The following DNMT3A variants were observed in gnomAD, a reference collection of about 807,000 sequenced individuals.
DNMT3A encodes DNA (cytosine-5)-methyltransferase 3A.
A neutral mutation model predicts 117.6 loss-of-function variants in DNMT3A; 267 were observed. The observed-to-expected ratio is 2.27, with a 90% CI of 2.05 to 2.51. DNMT3A has a LOEUF of 2.51. Ranked by LOEUF, DNMT3A falls within the 30% of genes most tolerant of loss-of-function variation. DNMT3A has a pLI of 0.00. For synonymous variants in DNMT3A, 432 were observed against 474.8 expected (o/e 0.91, Z 1.17); for missense variants, 1,029 against 1,260.2 (o/e 0.82, Z 2.78).
upstream of DNMT3A, chr2:25,341,938 T>G (rs941701962): frequency 2.5e-6 from 2 of 785,706 alleles, no homozygotes; most frequent in African/African-American, 1.0e-4. Context: ...CCTCCCTCCC[T>G]CCCGGCCCGC....
At chr2:25,313,628 C>T (rs114231494) in intron 2 of DNMT3A, among the ~76,000 whole-genome samples, 29 of 152,306 alleles carry the variant, frequency 1.9e-4, no homozygotes, top group African/African-American at 5.1e-4. Flanking sequence ...TCTGTGAGGC[C>T]GAACCCTCAC....
At position 25,246,147 on chromosome 2, in the gene DNMT3A, G is replaced by A; in HGVS notation, c.1429+13C>T. 1 of 1,614,130 alleles carries A rather than the reference G, an allele frequency of 6.2e-7. No individual in the cohort carries two copies. The highest frequency in any genetic ancestry group is 8.5e-7 in the Non-Finnish European group (1 of 1,179,972). On this transcript the variant is annotated intron_variant, in intron 11 of 22. Coordinates refer to ENST00000321117, the MANE Select transcript of DNMT3A (RefSeq NM_022552.5). ...CCTCCTGGTGCCACCCTCTCCAGAA[G>A]CAGGCCAACTACCTCTTGTGCGCTC...
intron 6 of DNMT3A, among the ~76,000 whole-genome samples, chr2:25,259,692 T>G (rs551094854): frequency 2.6e-5 from 4 of 152,238 alleles, no homozygotes; most frequent in Admixed American, 6.5e-5. Context: ...CTGGTAAACC[T>G]TAACAGCCAG....
At chr2:25,240,587 C>G in intron 18 of DNMT3A, 53 bp downstream of exon 18, 11 of 1,608,718 alleles carry the variant, frequency 6.8e-6, no homozygotes, top group Non-Finnish European at 8.5e-6. Flanking sequence ...AAGGAGGAAG[C>G]CTATGTGCGG....
At chr2:25,325,763 G>A (rs147185722) in intron 1 of DNMT3A, among the ~76,000 whole-genome samples, 1 of 152,340 alleles carries the variant, frequency 6.6e-6, no homozygotes, top group East Asian at 1.9e-4. Flanking sequence ...AAACTGGATT[G>A]CTGATCAGCC....
Position 25,230,051 on chromosome 2 carries a change from A to T in DNMT3A, c.*4228T>A, listed in dbSNP as rs1408105201. ...TCCTGCAATGCGCCAAAAATCACACAGGCATCTCTACCAGTCAATCACACC... is the reference window on the plus strand; with the variant it reads ...TCCTGCAATGCGCCAAAAATCACACTGGCATCTCTACCAGTCAATCACACC... On this transcript the variant is annotated 3_prime_UTR_variant, in exon 23 of 23. Coordinates refer to ENST00000321117, the MANE Select transcript of DNMT3A (RefSeq NM_022552.5). 1 of 152,302 alleles carries T rather than the reference A, an allele frequency of 6.6e-6. No individual in the cohort carries two copies. The highest frequency in any genetic ancestry group is 2.4e-5 in the African/African-American group (1 of 41,450). 9.4% of individuals were successfully genotyped at this position (152,302 alleles called of 1,614,324 possible).
chr2:25,276,232 T>C (rs925843426), intron 4 of DNMT3A, among the ~76,000 whole-genome samples: 3 of 152,188 alleles, frequency 2.0e-5, no homozygotes, highest in Non-Finnish European at 2.9e-5. Flanking sequence ...CCCTGCCCCA[T>C]GCTCAGGCCC....
chr2:25,313,815 C>T (rs1226000778), intron 2 of DNMT3A, 98 bp downstream of exon 2: 34 of 1,495,292 alleles, frequency 2.3e-5, no homozygotes, highest in Non-Finnish European at 2.7e-5. Flanking sequence ...CTGAGTGATG[C>T]GGTCATGCAC....
At chr2:25,262,002 T>C (rs1482012303) in intron 6 of DNMT3A, among the ~76,000 whole-genome samples, 5 of 152,096 alleles carry the variant, frequency 3.3e-5, no homozygotes, top group South Asian at 4.1e-4. Context: ...CTGGCCAACA[T>C]GGTGAAACCC....
At chr2:25,309,367 C>T (rs2033958320) in intron 2 of DNMT3A, among the ~76,000 whole-genome samples, 1 of 152,234 alleles carries the variant, frequency 6.6e-6, no homozygotes, top group Admixed American at 6.5e-5. Flanking sequence ...TGGTAAGAAG[C>T]TGCATGTCTG....
Position 25,242,021 on chromosome 2 carries a change from T to C in DNMT3A, c.1937-314A>G, listed in dbSNP as rs185086247. 76 of 380,768 alleles carry C rather than the reference T, an allele frequency of 2.0e-4. No individual in the cohort carries two copies. In the East Asian group the frequency reaches 4.5e-3, roughly 22 times the overall value. The allele number at this position is 380,768 out of a possible 1,614,324, so 23.6% of individuals were successfully genotyped here. On this transcript the variant is annotated intron_variant, in intron 16 of 22. Coordinates refer to ENST00000321117, the MANE Select transcript of DNMT3A (RefSeq NM_022552.5). ...CTTTTTGGGGGCCTTTTCTTTGTTG[T>C]TGTCCGTCTACAACTTGGTCCTTCC...
chr2:25,303,435 C>G (rs1031421653), intron 2 of DNMT3A, among the ~76,000 whole-genome samples: 7 of 152,170 alleles, frequency 4.6e-5, no homozygotes, highest in African/African-American at 1.7e-4. Context: ...ACATTTTTTT[C>G]CCTGTTGGAT....
chr2:25,253,796 G>A (rs1241075317), intron 6 of DNMT3A, among the ~76,000 whole-genome samples: 1 of 152,204 alleles, frequency 6.6e-6, no homozygotes, highest in Non-Finnish European at 1.5e-5. Context: ...GGACTTGGCC[G>A]AGCGCGGTGG....
intron 2 of DNMT3A, among the ~76,000 whole-genome samples, chr2:25,312,188 C>G (rs1486954777): frequency 6.6e-6 from 1 of 152,216 alleles, no homozygotes; most frequent in Non-Finnish European, 1.5e-5. Flanking sequence ...GGGAGGGAGT[C>G]AGCCATGGCC....
chr2:25,262,283 C>G (rs58552784), intron 6 of DNMT3A, among the ~76,000 whole-genome samples: 36,556 of 151,914 alleles, frequency 0.24, 4,601 homozygotes, highest in Admixed American at 0.35. Flanking sequence ...AATCCACCCC[C>G]TCCTAAGAGA....
rs761031475 is a variant in DNMT3A at position 25,228,808 on chromosome 2, G to A, written c.*5471C>T. On this transcript the variant is annotated 3_prime_UTR_variant, in exon 23 of 23. Coordinates refer to ENST00000321117, the MANE Select transcript of DNMT3A (RefSeq NM_022552.5). Reference sequence around the variant, plus strand: ...AATTCTAGGGCTGTGCAACCAAATCGGTCTGTGAAGTGAAATGGGACTAGG... The same window carrying A: ...AATTCTAGGGCTGTGCAACCAAATCAGTCTGTGAAGTGAAATGGGACTAGG... The A allele has an allele frequency of 3.3e-5, 5 of 152,136 alleles. No homozygotes were observed. Among genetic ancestry groups the A allele is most frequent in the Non-Finnish European group, 7.4e-5 (5 of 68,020 alleles). 9.4% of individuals were successfully genotyped at this position (152,136 alleles called of 1,614,324 possible). A position where few individuals can be genotyped will look rare whatever the true frequency, so the allele number is the denominator to read the frequency against.
At position 25,241,656 on chromosome 2, in the gene DNMT3A, G is replaced by T. The variant is rs553080210; in HGVS notation, c.1988C>A (p.Ser663Ter). The T allele has an allele frequency of 1.9e-6, 3 of 1,614,046 alleles. No homozygotes were observed. The highest frequency in any genetic ancestry group is 2.5e-6 in the Non-Finnish European group (3 of 1,179,990). Residue 663 changes from serine to a stop codon, truncating the protein, a stop_gained, in exon 17 of 23, where the codon TCG becomes TAG. Coordinates refer to ENST00000321117, the MANE Select transcript of DNMT3A (RefSeq NM_022552.5). LOFTEE classifies it high-confidence loss of function. ...LGIQVDRYIA[S>*]EVCEDSITVG... ...CGTGATGGAGTCCTCACACACCTCC[G>T]AGGCAATGTAGCGGTCCACCTGAAT...
chr2:25,300,759 AT>A lies in DNMT3A; in HGVS notation c.73-517del, dbSNP rs1558723087. ...TATATATATATATATATATATATATATATATATATAAATAATACATCCTTTG... is the reference window on the plus strand; with the variant it reads ...TATATATATATATATATATATATATAATATATATAAATAATACATCCTTTG... On this transcript the variant is annotated intron_variant, in intron 2 of 22. Coordinates refer to ENST00000321117, the MANE Select transcript of DNMT3A (RefSeq NM_022552.5). 1.7e-3 allele frequency among the ~76,000 whole-genome samples: 125 copies of A among 71,770 alleles called. 2 individuals are homozygous for A. The highest frequency in any genetic ancestry group is 2.4e-3 in the Non-Finnish European group (95 of 39,094). 47.1% of individuals were successfully genotyped at this position (71,770 alleles called of 152,430 possible). A position where few individuals can be genotyped will look rare whatever the true frequency, so the allele number is the denominator to read the frequency against.
chr2:25,328,849 G>A (rs2034896896), intron 1 of DNMT3A: 2 of 396,384 alleles, frequency 5.0e-6, no homozygotes, highest in Non-Finnish European at 1.1e-5. Context: ...AGATCCCCAA[G>A]GTGAAGGGGT....
Sources: gnomAD v4.1 joint callset for allele counts (sites outside exome capture counted in the v4.1 genomes callset) on GRCh38, gnomAD v4.1.1 for gene constraint, MANE v1.5 for transcripts, NCBI Gene and HGNC (gene_info 2026-07-23, HGNC 2026-07-21) for gene names.